The following RBFOX3 variants were observed in gnomAD, a reference collection of about 807,000 sequenced individuals.
RBFOX3 encodes the protein RNA binding protein fox-1 homolog 3.
Under a neutral mutation model 48.7 loss-of-function variants are expected in RBFOX3, and 17 were observed. The ratio of observed to expected loss-of-function variants is 0.35; its 90% CI spans 0.24 to 0.52. The LOEUF (loss-of-function observed/expected upper bound fraction) is 0.52. Among genes scored for constraint, RBFOX3 ranks in the 20% least tolerant of loss-of-function variants. The pLI is 0.94. For synonymous variants in RBFOX3, 212 were observed against 209.5 expected, an observed-to-expected ratio of 1.01 and a Z score of -0.10; for missense variants, 382 against 497.5, an observed-to-expected ratio of 0.77 and a Z score of 2.21.
At chr17:79,282,187 G>A (rs1025669056) in intron 3 of RBFOX3, among the ~76,000 whole-genome samples, 6 of 152,222 alleles carry the variant, frequency 3.9e-5, no homozygotes, top group African/African-American at 1.4e-4. Flanking sequence ...GGGGAGCTAT[G>A]GGTGGGGAGG....
chr17:79,138,216 AC>A (rs1191338739), intron 4 of RBFOX3, among the ~76,000 whole-genome samples: 1 of 152,176 alleles, frequency 6.6e-6, no homozygotes, highest in East Asian at 1.9e-4. Context: ...CTCACTGCAC[AC>A]ATCCGTGTGC....
intron 2 of RBFOX3, among the ~76,000 whole-genome samples, chr17:79,427,217 A>C (rs2067551388): frequency 1.3e-5 from 2 of 152,186 alleles, no homozygotes; most frequent in South Asian, 4.1e-4. Flanking sequence ...TCTGGATCCC[A>C]ATCTGTCCGG....
chr17:79,286,966 GC>G (rs2064486706), intron 3 of RBFOX3, among the ~76,000 whole-genome samples: 4 of 152,200 alleles, frequency 2.6e-5, no homozygotes, highest in Admixed American at 2.6e-4. Flanking sequence ...AGGTCCTGTG[GC>G]CAGAGACTCT....
At chr17:79,561,958 A>T (rs1284950749) in intron 1 of RBFOX3, among the ~76,000 whole-genome samples, 2 of 152,242 alleles carry the variant, frequency 1.3e-5, no homozygotes, top group East Asian at 3.9e-4. Context: ...AGCAGAAGAG[A>T]TGGGCAGCGG....
chr17:79,150,869 C>A (rs1027341382), intron 4 of RBFOX3, among the ~76,000 whole-genome samples: 1 of 152,170 alleles, frequency 6.6e-6, no homozygotes, highest in Non-Finnish European at 1.5e-5. Context: ...TCCCCGTGTG[C>A]GCAATGGGAG....
chr17:79,663,834 C>T, the RBFOX3 span, among the ~76,000 whole-genome samples: 9 of 152,296 alleles, frequency 5.9e-5, 1 homozygote, highest in African/African-American at 2.2e-4. Context: ...CCAATCAATC[C>T]CCCAAGGATC....
At chr17:79,160,083 C>T (rs572142431) in intron 4 of RBFOX3, among the ~76,000 whole-genome samples, 6 of 152,346 alleles carry the variant, frequency 3.9e-5, no homozygotes, top group East Asian at 3.9e-4. Context: ...ACGCTCCGCT[C>T]GAGTAGTAAG....
intron 1 of RBFOX3, among the ~76,000 whole-genome samples, chr17:79,581,581 G>A (rs996389251): frequency 2.6e-5 from 4 of 152,204 alleles, no homozygotes; most frequent in Admixed American, 6.5e-5. Flanking sequence ...CTGTGTAGAC[G>A]CTCCTTGGCC....
the RBFOX3 span, among the ~76,000 whole-genome samples, chr17:79,652,752 T>C: frequency 2.0e-5 from 3 of 151,912 alleles, no homozygotes; most frequent in East Asian, 1.9e-4. Context: ...CAGCATTTGA[T>C]AAACAGAAGT....
chr17:79,375,358 GACACACACACACACAC>G (rs534923135), intron 2 of RBFOX3, among the ~76,000 whole-genome samples: 9 of 136,186 alleles, frequency 6.6e-5, no homozygotes, highest in East Asian at 2.3e-4. Context: ...GAAGACAGAA[GACACACACACACACAC>G]ACACACACAC....
intron 2 of RBFOX3, among the ~76,000 whole-genome samples, chr17:79,343,757 C>T (rs1215019254): frequency 6.6e-6 from 1 of 152,154 alleles, no homozygotes; most frequent in Non-Finnish European, 1.5e-5. Flanking sequence ...CATTCATCTT[C>T]CTTCATCATT....
chr17:79,144,645 G>A (rs567106970), intron 4 of RBFOX3, among the ~76,000 whole-genome samples: 35 of 152,312 alleles, frequency 2.3e-4, no homozygotes, highest in Non-Finnish European at 4.1e-4. Context: ...CCCTCTCCCG[G>A]CCCTGGGACC....
chr17:79,475,582 T>G (rs942338816), intron 2 of RBFOX3, among the ~76,000 whole-genome samples: 3 of 152,056 alleles, frequency 2.0e-5, no homozygotes, highest in African/African-American at 7.2e-5. Context: ...GCAGATGTGA[T>G]GAAGGTAAGA....
At chr17:79,595,648 G>T (rs887019841) in intron 1 of RBFOX3, among the ~76,000 whole-genome samples, 23,938 of 152,104 alleles carry the variant, frequency 0.16, 2,026 homozygotes, top group Non-Finnish European at 0.16. Context: ...CATGCCAGCC[G>T]CGCAGAGGGG....
At chr17:79,594,493 C>T (rs2093513795) in intron 1 of RBFOX3, among the ~76,000 whole-genome samples, 1 of 152,204 alleles carries the variant, frequency 6.6e-6, no homozygotes, top group Non-Finnish European at 1.5e-5. Flanking sequence ...ACTTCAGAAG[C>T]TGTCCACTCC....
intron 4 of RBFOX3, among the ~76,000 whole-genome samples, chr17:79,165,981 G>A (rs764505970): frequency 9.2e-5 from 14 of 152,248 alleles, no homozygotes; most frequent in Non-Finnish European, 1.6e-4. Context: ...TGCACTGGCC[G>A]GGGAGGGATG....
chr17:79,402,264 C>G (rs2062903494), intron 2 of RBFOX3, among the ~76,000 whole-genome samples: 1 of 152,234 alleles, frequency 6.6e-6, no homozygotes, highest in Non-Finnish European at 1.5e-5. Flanking sequence ...AACAAACGAC[C>G]TGCGAACTGA....
At position 79,198,413 on chromosome 17, in the gene RBFOX3, G is replaced by T. The variant is rs564325985; in HGVS notation, c.-34+37353C>A. Among the ~76,000 whole-genome samples the T allele has an allele frequency of 6.6e-6, 1 of 152,198 alleles. No homozygotes were observed. The highest frequency in any genetic ancestry group is 1.5e-5 in the Non-Finnish European group (1 of 68,036). On this transcript the variant is annotated intron_variant, in intron 4 of 14. Coordinates refer to ENST00000693108, the MANE Select transcript of RBFOX3 (RefSeq NM_001350451.2). This position sits in a 1 kb window ranked among gnomAD's most constrained non-coding sequence, Gnocchi z 8.2. Reference sequence around the variant, plus strand: ...CTCAGTGCTAAGGTGACAGTGGAACGCTGGCATCTGTGTCCCGCCTGCCAG... The same window carrying T: ...CTCAGTGCTAAGGTGACAGTGGAACTCTGGCATCTGTGTCCCGCCTGCCAG...
At chr17:79,542,651 G>T (rs2089881345) in intron 1 of RBFOX3, among the ~76,000 whole-genome samples, 1 of 152,186 alleles carries the variant, frequency 6.6e-6, no homozygotes, top group Non-Finnish European at 1.5e-5. Flanking sequence ...GGGCATAGTG[G>T]TGCATATCTG....
Sources: allele counts gnomAD v4.1 joint callset (sites outside exome capture counted in the v4.1 genomes callset), GRCh38; gene constraint gnomAD v4.1.1; non-coding constraint Gnocchi (gnomAD v3.1); transcripts MANE v1.5; gene names NCBI Gene and HGNC (gene_info 2026-07-23, HGNC 2026-07-21).